Variants in CSMD1 observed in about 807,000 individuals in gnomAD.
CSMD1 encodes the protein CUB and sushi domain-containing protein 1.
CSMD1 carries 213 observed loss-of-function variants against 417.5 expected under a neutral mutation model. The observed-to-expected ratio is 0.51, with a 90% CI of 0.46 to 0.57. CSMD1 has a LOEUF of 0.57. Among genes scored for constraint, CSMD1 ranks in the 20% least tolerant of loss-of-function variants. CSMD1 has a pLI of 0.00. For missense variants in CSMD1, 6,923 were observed against 4,529.7 expected (o/e 1.53, Z -15.17); for synonymous variants, 2,862 against 1,736.8 (o/e 1.65, Z -16.11).
intron 36 of CSMD1, among the ~76,000 whole-genome samples, chr8:3,183,458 C>A (rs1182578073): frequency 9.2e-6 from 1 of 108,380 alleles, no homozygotes; most frequent in Admixed American, 9.1e-5. Context: ...TCTATCTATC[C>A]CTGAAATATC....
intron 26 of CSMD1, among the ~76,000 whole-genome samples, chr8:3,248,626 T>G (rs762119006): frequency 1.4e-5 from 2 of 144,840 alleles, no homozygotes; most frequent in Admixed American, 7.4e-5. Flanking sequence ...ACCTCCTGGG[T>G]TCACGCTCCC....
chr8:4,045,203 C>A (rs1453466453), intron 3 of CSMD1, among the ~76,000 whole-genome samples: 10 of 152,094 alleles, frequency 6.6e-5, no homozygotes, highest in Non-Finnish European at 1.5e-4. Context: ...CTCTGAGGAA[C>A]CCACAATGTG....
At chr8:3,629,310 T>C (rs888892321) in intron 7 of CSMD1, among the ~76,000 whole-genome samples, 3 of 49,844 alleles carry the variant, frequency 6.0e-5, no homozygotes, top group East Asian at 1.2e-3. Flanking sequence ...TTACTTAATA[T>C]TATTTTCTTT....
chr8:4,124,777 A>C (rs1802670438), intron 3 of CSMD1, among the ~76,000 whole-genome samples: 1 of 152,208 alleles, frequency 6.6e-6, no homozygotes, highest in Non-Finnish European at 1.5e-5. Flanking sequence ...CCAATCATAT[A>C]GGAAGTTTAA....
intron 36 of CSMD1, chr8:3,182,936 T>TGTTAGTAGAGAAGGGGTG: frequency 7.1e-6 from 1 of 140,342 alleles, no homozygotes; most frequent in East Asian, 2.2e-4. Context: ...GAGAAGGGGT[T>TGTTAGTAGAGAAGGGGTG]GTTAGTAGAG....
chr8:4,632,852 G>T (rs1339929267), intron 2 of CSMD1, among the ~76,000 whole-genome samples: 1 of 152,188 alleles, frequency 6.6e-6, no homozygotes, highest in South Asian at 2.1e-4. Flanking sequence ...CCGGTAGAGG[G>T]AGAGGCCGGG....
chr8:3,605,373 G>A (rs772856155), intron 8 of CSMD1, among the ~76,000 whole-genome samples: 2 of 152,202 alleles, frequency 1.3e-5, no homozygotes, highest in African/African-American at 4.8e-5. Flanking sequence ...ACATTTTCAT[G>A]TAACAAGAGA....
intron 43 of CSMD1, 81 bp from the exon 44 acceptor site, chr8:3,108,829 ATTT>A (rs1563052827): frequency 7.3e-7 from 1 of 1,372,860 alleles, no homozygotes; most frequent in Admixed American, 2.5e-5. Context: ...TAATGAATTA[ATTT>A]TTTTAATAAA....
intron 2 of CSMD1, among the ~76,000 whole-genome samples, chr8:4,446,899 G>A (rs1191518485): frequency 3.3e-5 from 5 of 151,498 alleles, no homozygotes; most frequent in South Asian, 2.1e-4. Context: ...GGGATTACAG[G>A]CGTGAGCCAT....
At chr8:4,468,252 T>A (rs987304149) in intron 2 of CSMD1, among the ~76,000 whole-genome samples, 2 of 152,204 alleles carry the variant, frequency 1.3e-5, no homozygotes, top group Non-Finnish European at 2.9e-5. Context: ...CTGGCTGACT[T>A]CTGAGACTCC....
intron 10 of CSMD1, among the ~76,000 whole-genome samples, chr8:3,556,296 T>C (rs1799138103): frequency 6.7e-6 from 1 of 150,264 alleles, no homozygotes; most frequent in Non-Finnish European, 1.5e-5. Flanking sequence ...CCACTACCCT[T>C]CCCAGCCTCT....
intron 8 of CSMD1, among the ~76,000 whole-genome samples, chr8:3,615,492 G>C (rs1015943790): frequency 6.6e-5 from 10 of 152,092 alleles, no homozygotes; most frequent in African/African-American, 2.4e-4. Context: ...TAATATATTA[G>C]TCAAGATGTG....
At chr8:2,989,710 T>C (rs1456377899) in intron 54 of CSMD1, among the ~76,000 whole-genome samples, 6 of 152,176 alleles carry the variant, frequency 3.9e-5, no homozygotes, top group African/African-American at 1.4e-4. Flanking sequence ...TCTTCTTCTC[T>C]TCCTTGGGAT....
intron 37 of CSMD1, among the ~76,000 whole-genome samples, chr8:3,174,998 G>C (rs1391865655): frequency 6.6e-6 from 1 of 152,100 alleles, no homozygotes; most frequent in Non-Finnish European, 1.5e-5. Context: ...ATACATGCAA[G>C]AATGACTTAA....
chr8:3,066,118 C>T (rs1013109740), intron 49 of CSMD1, among the ~76,000 whole-genome samples: 9 of 152,268 alleles, frequency 5.9e-5, no homozygotes, highest in Admixed American at 2.0e-4. Flanking sequence ...CAAAGGAGTG[C>T]GGGCCTATTG....
At chr8:3,646,127 A>G (rs562802838) in intron 7 of CSMD1, among the ~76,000 whole-genome samples, 13 of 152,118 alleles carry the variant, frequency 8.5e-5, no homozygotes, top group Non-Finnish European at 1.9e-4. Flanking sequence ...CTTTTGAAGA[A>G]TGCTTATTAA....
chr8:4,496,846 C>A (rs954444812), intron 2 of CSMD1, among the ~76,000 whole-genome samples: 5 of 152,096 alleles, frequency 3.3e-5, no homozygotes, highest in African/African-American at 1.2e-4. Context: ...AATGAGTTCA[C>A]AGAAGGTTTA....
chr8:3,921,945 G>A (rs762248666), intron 5 of CSMD1, among the ~76,000 whole-genome samples: 1 of 152,094 alleles, frequency 6.6e-6, no homozygotes, highest in Non-Finnish European at 1.5e-5. Context: ...TTATTGATTT[G>A]ATGTCTGGAT....
chr8:3,066,595 C>G (rs557505564), intron 49 of CSMD1, among the ~76,000 whole-genome samples: 36 of 152,290 alleles, frequency 2.4e-4, no homozygotes, highest in African/African-American at 8.4e-4. Context: ...ATTTCAAATA[C>G]AGACAGACAA....
Sources: gnomAD v4.1 joint callset for allele counts (sites outside exome capture counted in the v4.1 genomes callset) on GRCh38, gnomAD v4.1.1 for gene constraint, MANE v1.5 for transcripts, NCBI Gene and HGNC (gene_info 2026-07-23, HGNC 2026-07-21) for gene names.